The following DDX52 variants were observed in gnomAD, a reference collection of about 807,000 sequenced individuals.
The protein encoded by DDX52 is DExD-box helicase 52.
In DDX52, 59 loss-of-function variants were observed where a neutral mutation model predicts 76.1. The observed-to-expected ratio is 0.78, with a 90% CI of 0.63 to 0.96. The LOEUF (loss-of-function observed/expected upper bound fraction) is 0.96, where lower values mean the gene tolerates loss of function less well. Ranked by LOEUF, DDX52 falls within the 40% of genes least tolerant of loss-of-function variation. The pLI is 0.00. For missense variants in DDX52, 707 were observed against 703.9 expected (o/e 1.00, Z -0.05); for synonymous variants, 231 against 244.1 (o/e 0.95, Z 0.50).
At chr17:37,632,481 T>G (rs2030730061) in intron 3 of DDX52, among the ~76,000 whole-genome samples, 183 bp from the exon 4 acceptor site, 1 of 152,202 alleles carries the variant, frequency 6.6e-6, no homozygotes, top group African/African-American at 2.4e-5. Flanking sequence ...TAGAAAACCT[T>G]CATAAAATGT....
intron 9 of DDX52, 23 bp downstream of exon 9, chr17:37,624,321 T>A (rs1273171955): frequency 6.3e-7 from 1 of 1,588,814 alleles, no homozygotes; most frequent in South Asian, 1.1e-5. Flanking sequence ...TTACCAAAAT[T>A]CAAGAAGGTA....
At chr17:37,618,516 T>A in intron 13 of DDX52, 132 bp from the exon 14 acceptor site, 2 of 715,540 alleles carry the variant, frequency 2.8e-6, no homozygotes, top group Non-Finnish European at 4.2e-6. Flanking sequence ...AGTTTTGCTC[T>A]TGTTGCCCAG....
In DDX52 at chr17:37,619,780, T is replaced by C; in HGVS notation, c.1637A>G (p.Gln546Arg). ...CPVPEYIKGF[Q>R]KLLSKQKKKM... ...TTCAAGATTGTACCTTAGTAGTTTC[T>C]GAAAACCTTTTATGTATTCTGGTAC... The change falls in exon 13 of 15, where the codon CAG (glutamine) becomes CGG (arginine). Residue 546 changes from glutamine to arginine, a missense_variant. Coordinates refer to ENST00000617633, the MANE Select transcript of DDX52 (RefSeq NM_007010.5). 6.2e-7 allele frequency: 1 copy of C among 1,613,624 alleles called. No homozygotes were observed. Among genetic ancestry groups the C allele is most frequent in the Non-Finnish European group, 8.5e-7 (1 of 1,179,878 alleles).
intron 3 of DDX52, 71 bp from the exon 4 acceptor site, chr17:37,632,369 C>A: frequency 6.4e-7 from 1 of 1,551,660 alleles, no homozygotes. Context: ...TATAAAGCAA[C>A]ATTAACAGTT....
intron 11 of DDX52, 46 bp from the exon 12 acceptor site, chr17:37,620,994 G>A (rs1283311592): frequency 8.3e-6 from 13 of 1,565,282 alleles, no homozygotes; most frequent in Non-Finnish European, 9.5e-6. Flanking sequence ...GGGGGAAGGA[G>A]GCTCTCAAAA....
chr17:37,618,702 G>T (rs1284317857), intron 13 of DDX52, among the ~76,000 whole-genome samples: 1 of 152,032 alleles, frequency 6.6e-6, no homozygotes, highest in South Asian at 2.1e-4. Context: ...GGTCAGGCTG[G>T]TCTCAAACTC....
intron 14 of DDX52, among the ~76,000 whole-genome samples, chr17:37,618,090 G>T (rs2029888765): frequency 6.6e-6 from 1 of 152,146 alleles, no homozygotes; most frequent in South Asian, 2.1e-4. Context: ...ACTCCAGCCT[G>T]GGCGACAGTG....
chr17:37,619,945 A>T (rs542295807), intron 12 of DDX52, 106 bp from the exon 13 acceptor site: 1 of 1,056,810 alleles, frequency 9.5e-7, no homozygotes, highest in South Asian at 1.5e-5. Flanking sequence ...ACACAAAGTA[A>T]TCCACAAAGT....
At chr17:37,624,550 CAATATT>C (rs1032782279) in intron 8 of DDX52, 116 bp from the exon 9 acceptor site, 3 of 625,004 alleles carry the variant, frequency 4.8e-6, no homozygotes, top group African/African-American at 1.8e-5. Flanking sequence ...TTTCCACTGT[CAATATT>C]AATAAGTACT....
chr17:37,628,761 AC>A lies in DDX52; in HGVS notation c.748-90del. The stretch of plus-strand genomic sequence containing the variant: ...ACATGATTAATGAAATAAATCTATT[AC>A]CAACCCATGAATATCTGAAATTAAA... On this transcript the variant is annotated intron_variant, in intron 5 of 14. Transcript: ENST00000617633. 1.3e-5 allele frequency: 12 copies of A among 925,864 alleles called. No homozygotes were observed. The South Asian group carries it at 1.4e-4, about 11-fold the overall frequency. 57.4% of individuals were successfully genotyped at this position (925,864 alleles called of 1,614,324 possible).
chr17:37,624,312 T>C, intron 9 of DDX52, 32 bp downstream of exon 9: 1 of 1,576,634 alleles, frequency 6.3e-7, no homozygotes, highest in South Asian at 1.1e-5. Flanking sequence ...TGGCAAACTT[T>C]ACCAAAATTC....
At chr17:37,617,223 C>T (rs1261313676) in intron 14 of DDX52, among the ~76,000 whole-genome samples, 1 of 152,104 alleles carries the variant, frequency 6.6e-6, no homozygotes, top group Non-Finnish European at 1.5e-5. Context: ...CTAATGACTT[C>T]TATAGAACAG....
chr17:37,627,273 G>A (rs2030429356), intron 6 of DDX52, among the ~76,000 whole-genome samples: 1 of 152,144 alleles, frequency 6.6e-6, no homozygotes, highest in South Asian at 2.1e-4. Context: ...CACAACCTCG[G>A]CTCACTGCAA....
In DDX52 at chr17:37,614,340, C is replaced by T; in HGVS notation, c.1756G>A (p.Gly586Ser). 6.2e-7 allele frequency: 1 copy of T among 1,610,486 alleles called. No homozygotes were observed. The highest frequency in any genetic ancestry group is 8.5e-7 in the Non-Finnish European group (1 of 1,178,862). The change falls in exon 15 of 15, where the codon GGT (glycine) becomes AGT (serine). Residue 586 changes from glycine (G) to serine (S), a missense_variant. By Grantham distance (56) the Gly-to-Ser change is moderately conservative (BLOSUM62 0). Transcript: ENST00000617633. ...KAKDKQKKVT[G>S]QNSKKKVALE... ...GCTACTTTCTTCTTGCTGTTCTGAC[C>T]AGTGACCTTTTTCCTGTAAAGAGCA...
Position 37,643,392 on chromosome 17 carries a change from A to G in DDX52, c.29T>C (p.Leu10Pro). 1 of 1,613,972 alleles carries G rather than the reference A, an allele frequency of 6.2e-7. No homozygotes were observed. Among genetic ancestry groups the G allele is most frequent in the South Asian group, 1.1e-5 (1 of 91,080 alleles). Residue 10 changes from leucine to proline, a missense_variant, in exon 1 of 15, where the codon CTC becomes CCC. Coordinates refer to ENST00000617633, the MANE Select transcript of DDX52 (RefSeq NM_007010.5). The stretch of plus-strand genomic sequence containing the variant: ...CGTGTCGAATTTGGCCCCCGCGCCG[A>G]GCCGGCGAAAGAGATCGTGGACGTC... MDVHDLFRR[L>P]GAGAKFDTRR...
At chr17:37,617,723 A>G (rs577222653) in intron 14 of DDX52, among the ~76,000 whole-genome samples, 2 of 152,384 alleles carry the variant, frequency 1.3e-5, no homozygotes, top group African/African-American at 4.8e-5. Context: ...TGGGCTGTGT[A>G]GAGAAGGTGG....
In DDX52 at chr17:37,634,608, G is replaced by A. The variant is rs191583514; in HGVS notation, c.287-1190C>T. Among the ~76,000 whole-genome samples the A allele has an allele frequency of 1.8e-3, 271 of 151,880 alleles. 1 individual carries two copies. The highest frequency in any genetic ancestry group is 7.3e-3 in the Admixed American group (111 of 15,260). On this transcript the variant is annotated intron_variant, in intron 2 of 14. Coordinates refer to ENST00000617633, the MANE Select transcript of DDX52 (RefSeq NM_007010.5). Reference sequence around the variant, plus strand: ...ATTGTGCCACTGCACTCCAGCCTCGGCAACAGAGCAAGACTCTGTCTCTAA... The same window carrying A: ...ATTGTGCCACTGCACTCCAGCCTCGACAACAGAGCAAGACTCTGTCTCTAA...
In DDX52 at chr17:37,633,288, C is replaced by T; in HGVS notation, c.417G>A (p.Lys139=). The T allele has an allele frequency of 1.3e-6, 2 of 1,598,294 alleles. No individual in the cohort carries two copies. The highest frequency in any genetic ancestry group is 1.4e-5 in the African/African-American group (1 of 73,936). ...TTTGGCCCCAAAATATTTTTCTAAC[C>T]TTTTCTTTTCTGAGATTCTCCAACT... ...SGKLENLRKE[K]INFLRNKHKI... Residue 139 remains lysine, a splice_region_variant and synonymous_variant, in exon 3 of 15, where the codon AAG becomes AAA. Transcript: ENST00000617633.
At chr17:37,627,971 G>A (rs2030475432) in intron 6 of DDX52, among the ~76,000 whole-genome samples, 1 of 151,838 alleles carries the variant, frequency 6.6e-6, no homozygotes, top group Non-Finnish European at 1.5e-5. Context: ...TAGAGATGGA[G>A]TCTCGCTATG....
Sources: allele counts gnomAD v4.1 joint callset (sites outside exome capture counted in the v4.1 genomes callset), GRCh38; gene constraint gnomAD v4.1.1; transcripts MANE v1.5; gene names NCBI Gene and HGNC (gene_info 2026-07-23, HGNC 2026-07-21).